Variants in BTRC observed in about 807,000 individuals in gnomAD.
BTRC encodes F-box/WD repeat-containing protein 1A.
A neutral mutation model predicts 85.5 loss-of-function variants in BTRC; 42 were observed. The ratio of observed to expected loss-of-function variants is 0.49; its 90% confidence interval spans 0.38 to 0.64. The LOEUF (loss-of-function observed/expected upper bound fraction) is 0.64, where lower values mean the gene tolerates loss of function less well. BTRC is among the 30% of genes least tolerant of loss of function. The pLI, the probability that BTRC is intolerant of heterozygous loss-of-function variation, is 0.00. For missense variants in BTRC, 594 were observed against 743.5 expected, an observed-to-expected ratio of 0.80 and a Z score of 2.34; for synonymous variants, 255 against 263.3, an observed-to-expected ratio of 0.97 and a Z score of 0.30.
chr10:101,437,841 C>T (rs111745322), intron 2 of BTRC, among the ~76,000 whole-genome samples: 1,550 of 152,236 alleles, frequency 0.01, 8 homozygotes, highest in Non-Finnish European at 0.017. Flanking sequence ...GTTCTGCTTA[C>T]CTGAAAAAAC....
At chr10:101,419,014 CT>C (rs1331387470) in intron 1 of BTRC, among the ~76,000 whole-genome samples, 426 of 142,564 alleles carry the variant, frequency 3.0e-3, no homozygotes, top group Middle Eastern at 3.7e-3. Context: ...TTCTTTCTTT[CT>C]TTTTTTTTTT....
chr10:101,438,156 T>C (rs1025689288), intron 2 of BTRC, among the ~76,000 whole-genome samples: 3 of 151,960 alleles, frequency 2.0e-5, no homozygotes, highest in Non-Finnish European at 4.4e-5. Flanking sequence ...GCAATATAAG[T>C]CTTCTCACGT....
At position 101,533,032 on chromosome 10, in the gene BTRC, G is replaced by A. The variant is rs775993278; in HGVS notation, c.1059G>A (p.Glu353=). Reference sequence around the variant, plus strand: ...CAGTCCTCTGTCTCCAGTATGATGAGAGAGTGATCATAACAGGATCATCGG... The same window carrying A: ...CAGTCCTCTGTCTCCAGTATGATGAAAGAGTGATCATAACAGGATCATCGG... ...TGSVLCLQYD[E]RVIITGSSDS... is the part of the protein sequence containing the mutation. The change falls in exon 9 of 15, where the codon GAG becomes GAA. Residue 353 remains glutamate (E), a synonymous_variant. Transcript: ENST00000370187. The A allele has an allele frequency of 1.2e-6, 2 of 1,613,342 alleles. No individual in the cohort carries two copies. Among genetic ancestry groups the A allele is most frequent in the East Asian group, 2.2e-5 (1 of 44,864 alleles).
At position 101,535,364 on chromosome 10, in the gene BTRC, C is replaced by T; in HGVS notation, c.1358C>T (p.Thr453Ile). 1 of 1,613,332 alleles carries T rather than the reference C, an allele frequency of 6.2e-7. No individual in the cohort carries two copies. Among genetic ancestry groups the T allele is most frequent in the Admixed American group, 1.7e-5 (1 of 59,880 alleles). ...SGDRTIKVWN[T>I]STCEFVRTLN... ...CATTTTCTTTTTCAGGTATGGAACACAAGTACTTGTGAATTTGTAAGGACC... is the reference window on the plus strand; with the variant it reads ...CATTTTCTTTTTCAGGTATGGAACATAAGTACTTGTGAATTTGTAAGGACC... The change falls in exon 11 of 15, where the codon ACA (threonine) becomes ATA (isoleucine). Residue 453 changes from threonine (T) to isoleucine (I), a missense_variant. Transcript: ENST00000370187.
intron 1 of BTRC, among the ~76,000 whole-genome samples, chr10:101,389,610 CTTTTTTTTTTTTT>C: frequency 1.6e-5 from 1 of 62,546 alleles, no homozygotes; most frequent in South Asian, 8.9e-4. Flanking sequence ...TGCCAAACAC[CTTTTTTTTTTTTT>C]TTTTTTTTTT....
upstream of BTRC, chr10:101,354,106 G>T: frequency 6.6e-7 from 1 of 1,510,410 alleles, no homozygotes; most frequent in South Asian, 1.2e-5. Flanking sequence ...GGCGGGATCC[G>T]GGCGCTGCGT....
In BTRC at chr10:101,394,020, C is replaced by G. The variant is rs572531406; in HGVS notation, c.49-36325C>G. ...TGTATAATTGAGTCTGTACCTAGGA[C>G]TTCCAGGGCTTTTAGTAATTAAATG... On this transcript the variant is annotated intron_variant, in intron 1 of 14. Transcript: ENST00000370187. Among the ~76,000 whole-genome samples, 113 of 152,310 alleles carry G rather than the reference C, an allele frequency of 7.4e-4. 4 individuals are homozygous for G. In the South Asian group the frequency reaches 0.022, roughly 30 times the overall value.
At chr10:101,518,838 T>C (rs1423021012) in intron 4 of BTRC, among the ~76,000 whole-genome samples, 1 of 130,798 alleles carries the variant, frequency 7.6e-6, no homozygotes, top group African/African-American at 2.5e-5. Context: ...CAGGAAATGA[T>C]CTCTAACCAC....
chr10:101,507,835 T>TC lies in BTRC; in HGVS notation c.325-13802dup, dbSNP rs1312167296. ...TCATTTCTTATAATTAAACATTATG[T>TC]CCTTTTTTTTTCCCTCACCACTAGG... On this transcript the variant is annotated intron_variant, in intron 4 of 14. Coordinates refer to ENST00000370187, the MANE Select transcript of BTRC (RefSeq NM_033637.4). 6.6e-5 allele frequency among the ~76,000 whole-genome samples: 10 copies of TC among 152,326 alleles called. No individual in the cohort carries two copies. The East Asian group carries it at 1.9e-3, about 29-fold the overall frequency.
At chr10:101,460,077 A>G (rs1034993400) in intron 2 of BTRC, among the ~76,000 whole-genome samples, 5 of 152,200 alleles carry the variant, frequency 3.3e-5, no homozygotes, top group Admixed American at 1.3e-4. Context: ...GGTTTAGTTT[A>G]TCTGATCTTT....
chr10:101,444,194 A>G (rs554644402), intron 2 of BTRC, among the ~76,000 whole-genome samples: 4 of 152,348 alleles, frequency 2.6e-5, no homozygotes, highest in Admixed American at 2.6e-4. Flanking sequence ...TTGCCTTTAC[A>G]TACCTTCTAA....
chr10:101,474,711 A>G (rs905584996), intron 3 of BTRC, among the ~76,000 whole-genome samples: 4 of 152,194 alleles, frequency 2.6e-5, no homozygotes, highest in Non-Finnish European at 5.9e-5. Context: ...TGGCTTTCAG[A>G]TTGAATTCTA....
At chr10:101,503,307 T>G (rs897027241) in intron 4 of BTRC, among the ~76,000 whole-genome samples, 11 of 152,220 alleles carry the variant, frequency 7.2e-5, no homozygotes, top group African/African-American at 2.7e-4. Flanking sequence ...TCTTCTACAT[T>G]TAGTCATAGT....
At chr10:101,443,804 A>G (rs1360089721) in intron 2 of BTRC, among the ~76,000 whole-genome samples, 40 of 152,184 alleles carry the variant, frequency 2.6e-4, no homozygotes, top group Admixed American at 2.6e-3. Flanking sequence ...TCCTTTTGAC[A>G]TCAAGTAGAT....
At chr10:101,406,332 A>G (rs570852053) in intron 1 of BTRC, among the ~76,000 whole-genome samples, 1 of 150,956 alleles carries the variant, frequency 6.6e-6, no homozygotes, top group African/African-American at 2.4e-5. Flanking sequence ...GCCCGCCACT[A>G]CGCCCGGCTA....
intron 6 of BTRC, among the ~76,000 whole-genome samples, chr10:101,529,744 CT>C (rs2062252355): frequency 6.6e-6 from 1 of 152,140 alleles, no homozygotes; most frequent in South Asian, 2.1e-4. Context: ...ATTTTCTCAA[CT>C]AATTTTCAGG....
intron 2 of BTRC, among the ~76,000 whole-genome samples, chr10:101,450,856 C>T (rs1025794436): frequency 2.6e-5 from 4 of 152,150 alleles, no homozygotes; most frequent in Non-Finnish European, 5.9e-5. Context: ...ATAGTGGGTG[C>T]TGCATGACGT....
At chr10:101,547,262 C>A (rs997948444) in intron 13 of BTRC, among the ~76,000 whole-genome samples, 1 of 150,824 alleles carries the variant, frequency 6.6e-6, no homozygotes, top group African/African-American at 2.4e-5. Context: ...AAGATCACAC[C>A]ATTTCTAGCC....
chr10:101,356,060 C>T lies in BTRC; in HGVS notation c.48+1832C>T, dbSNP rs371790376. The stretch of plus-strand genomic sequence containing the variant: ...TTGAGATGGAGTCTTGCTTTGTCGC[C>T]CAGGCTGGAGTGCAGTGGTGCAGCC... On this transcript the variant is annotated intron_variant, in intron 1 of 14. Transcript: ENST00000370187. 2.0e-4 allele frequency among the ~76,000 whole-genome samples: 31 copies of T among 152,206 alleles called. No homozygotes were observed. The East Asian group carries it at 5.6e-3, about 28-fold the overall frequency.
Sources: allele counts gnomAD v4.1 joint callset (sites outside exome capture counted in the v4.1 genomes callset), GRCh38; gene constraint gnomAD v4.1.1; transcripts MANE v1.5; gene names NCBI Gene and HGNC (gene_info 2026-07-23, HGNC 2026-07-21).